ARID5B: variants seen among roughly 807,000 people sequenced by gnomAD.
ARID5B encodes AT-rich interaction domain 5B.
ARID5B carries 13 observed loss-of-function variants against 97.2 expected under a neutral mutation model. The observed-to-expected ratio is 0.13, with a 90% confidence interval of 0.09 to 0.21. The LOEUF (loss-of-function observed/expected upper bound fraction) is 0.21, where lower values mean the gene tolerates loss of function less well. Ranked by LOEUF, ARID5B falls within the 10% of genes least tolerant of loss-of-function variation. The pLI, the probability that ARID5B is intolerant of heterozygous loss-of-function variation, is 1.00. For missense variants in ARID5B, 1,210 were observed against 1,465.3 expected (o/e 0.83, Z 2.84); for synonymous variants, 556 against 570.3 (o/e 0.97, Z 0.36).
At chr10:61,965,243 A>G (rs749551227) in intron 3 of ARID5B, among the ~76,000 whole-genome samples, 1 of 152,198 alleles carries the variant, frequency 6.6e-6, no homozygotes, top group Non-Finnish European at 1.5e-5. Flanking sequence ...AGAACATTGT[A>G]TGTTCAGAGT....
chr10:61,904,625 G>C (rs1480519411), intron 2 of ARID5B, among the ~76,000 whole-genome samples: 1 of 152,130 alleles, frequency 6.6e-6, no homozygotes, highest in Non-Finnish European at 1.5e-5. Context: ...ATAATCCTCA[G>C]CTGCATATAC....
chr10:61,974,778 G>A (rs972761344), intron 3 of ARID5B, among the ~76,000 whole-genome samples: 4 of 152,118 alleles, frequency 2.6e-5, no homozygotes, highest in South Asian at 2.1e-4. Context: ...CTTGCCAAGC[G>A]GTCTAAATCT....
At chr10:61,909,329 T>TTTG (rs1362593176) in intron 2 of ARID5B, among the ~76,000 whole-genome samples, 15 of 139,912 alleles carry the variant, frequency 1.1e-4, no homozygotes, top group African/African-American at 3.2e-4. Flanking sequence ...TTTTTTTTTT[T>TTTG]TTTTTTTTTT....
At chr10:62,088,852 T>C (rs1840327135) in intron 9 of ARID5B, among the ~76,000 whole-genome samples, 2 of 152,310 alleles carry the variant, frequency 1.3e-5, no homozygotes, top group South Asian at 2.1e-4. Context: ...TCTAGTTGAA[T>C]CCACTATATT....
chr10:62,045,408 C>G (rs557598102), intron 4 of ARID5B, among the ~76,000 whole-genome samples: 37 of 151,770 alleles, frequency 2.4e-4, no homozygotes, highest in Admixed American at 4.6e-4. Context: ...ACTCCTCCCC[C>G]CCGAAAGAGC....
intron 3 of ARID5B, among the ~76,000 whole-genome samples, chr10:61,988,952 T>TTTG (rs1389877682): frequency 1.3e-5 from 2 of 150,084 alleles, no homozygotes; most frequent in African/African-American, 4.9e-5. Context: ...TTTTTTTTTT[T>TTTG]TGAGTCTTGC....
chr10:62,017,491 T>C (rs1219328561), intron 4 of ARID5B, among the ~76,000 whole-genome samples: 3 of 143,618 alleles, frequency 2.1e-5, no homozygotes, highest in African/African-American at 7.5e-5. Context: ...TTTGTTCTGC[T>C]TTTTTTTTTT....
At chr10:62,056,646 T>C (rs1839859982) in intron 5 of ARID5B, among the ~76,000 whole-genome samples, 1 of 152,148 alleles carries the variant, frequency 6.6e-6, no homozygotes, top group Non-Finnish European at 1.5e-5. Context: ...GAAAATAAAA[T>C]GTATTGATAT....
At chr10:62,018,955 A>T (rs922628222) in intron 4 of ARID5B, among the ~76,000 whole-genome samples, 8 of 152,140 alleles carry the variant, frequency 5.3e-5, no homozygotes, top group African/African-American at 1.7e-4. Flanking sequence ...TGTATTCTTG[A>T]AAGTATCCTG....
At chr10:62,084,657 T>C (rs1277074664) in intron 8 of ARID5B, among the ~76,000 whole-genome samples, 1 of 152,238 alleles carries the variant, frequency 6.6e-6, no homozygotes, top group Non-Finnish European at 1.5e-5. Flanking sequence ...GAAACTGAGA[T>C]TGTAATGCAA....
At chr10:61,958,417 C>T (rs185494345) in intron 3 of ARID5B, among the ~76,000 whole-genome samples, 4 of 151,398 alleles carry the variant, frequency 2.6e-5, no homozygotes, top group South Asian at 2.1e-4. Context: ...TTAGTAGAGA[C>T]GGGTTTCACC....
chr10:61,988,038 C>G (rs1838870352), intron 3 of ARID5B, among the ~76,000 whole-genome samples: 1 of 152,236 alleles, frequency 6.6e-6, no homozygotes, highest in African/African-American at 2.4e-5. Flanking sequence ...TCCTGTCTTA[C>G]ATCAGCTTAC....
At chr10:61,957,272 T>G (rs1838403765) in intron 3 of ARID5B, among the ~76,000 whole-genome samples, 1 of 152,204 alleles carries the variant, frequency 6.6e-6, no homozygotes, top group Non-Finnish European at 1.5e-5. Context: ...GTCTTGTTTT[T>G]TTGTTGTTGT....
At chr10:61,940,969 T>A (rs866164735) in intron 3 of ARID5B, among the ~76,000 whole-genome samples, 263 of 41,378 alleles carry the variant, frequency 6.4e-3, no homozygotes, top group South Asian at 0.013. Context: ...ATATATATTT[T>A]TTTTTTTTTT....
chr10:62,086,325 C>T (rs1840279773), intron 9 of ARID5B, among the ~76,000 whole-genome samples: 3 of 152,106 alleles, frequency 2.0e-5, no homozygotes, highest in Admixed American at 2.0e-4. Flanking sequence ...CATGGTGGCT[C>T]GCGCCTGTAA....
intron 3 of ARID5B, among the ~76,000 whole-genome samples, chr10:61,993,124 C>T (rs1418811130): frequency 1.6e-5 from 2 of 128,648 alleles, no homozygotes; most frequent in South Asian, 2.4e-4. Context: ...GGGAGATACA[C>T]ACACACACAC....
intron 8 of ARID5B, among the ~76,000 whole-genome samples, chr10:62,082,496 T>C (rs1050894306): frequency 2.6e-5 from 4 of 152,228 alleles, no homozygotes; most frequent in Admixed American, 6.5e-5. Flanking sequence ...GGAGTGCATG[T>C]TTGCTTTTAT....
intron 3 of ARID5B, among the ~76,000 whole-genome samples, chr10:61,943,682 A>G (rs1201000361): frequency 6.6e-6 from 1 of 152,164 alleles, no homozygotes; most frequent in Non-Finnish European, 1.5e-5. Flanking sequence ...CTTAGTGTTT[A>G]GGTAGAATAA....
At chr10:61,919,239 C>T (rs1843967646) in intron 2 of ARID5B, among the ~76,000 whole-genome samples, 1 of 152,094 alleles carries the variant, frequency 6.6e-6, no homozygotes, top group Non-Finnish European at 1.5e-5. Flanking sequence ...GCAAAATGTG[C>T]AAAACATTGA....
Sources: allele counts gnomAD v4.1 joint callset (sites outside exome capture counted in the v4.1 genomes callset), GRCh38; gene constraint gnomAD v4.1.1; transcripts MANE v1.5; gene names NCBI Gene and HGNC (gene_info 2026-07-23, HGNC 2026-07-21).